The following RYR1 variants were observed in gnomAD, a reference collection of about 807,000 sequenced individuals.
RYR1 encodes the protein central core disease of muscle.
A neutral mutation model predicts 583.5 loss-of-function variants in RYR1; 342 were observed. That is an observed-to-expected ratio of 0.59 (90% CI 0.54 to 0.64). The LOEUF is 0.64. Among genes scored for constraint, RYR1 ranks in the 30% least tolerant of loss-of-function variants. The pLI is 0.00. For missense variants in RYR1, 6,032 were observed against 6,917.2 expected (o/e 0.87, Z 4.54); for synonymous variants, 2,791 against 2,822.5 (o/e 0.99, Z 0.35).
chr19:38,502,621 A>G lies in RYR1; in HGVS notation c.7729A>G (p.Ile2577Val), dbSNP rs567321458. 15 of 1,612,754 alleles carry G rather than the reference A, an allele frequency of 9.3e-6. No homozygotes were observed. The highest frequency in any genetic ancestry group is 1.7e-4 in the Middle Eastern group (1 of 6,058). The change falls in exon 48 of 106, where the codon ATC (isoleucine) becomes GTC (valine). Residue 2577 changes from isoleucine (I) to valine (V), a missense_variant. Around this residue, in one of 11 missense-constraint regions of RYR1, gnomAD observed 250 missense variants for 162.3 expected, o/e 1.54. Coordinates refer to ENST00000359596, the MANE Select transcript of RYR1 (RefSeq NM_000540.3). The stretch of plus-strand genomic sequence containing the variant: ...CTTTGCGGGCACAGAACACCGCGCC[A>G]TCATGGTGGACTCTATGCTGCATAC... ...PLFAGTEHRAIMVDSMLHTVY... is the reference protein window; with the variant it reads ...PLFAGTEHRAVMVDSMLHTVY...
intron 101 of RYR1, among the ~76,000 whole-genome samples, chr19:38,584,165 TC>T (rs1974340823): frequency 1.3e-5 from 2 of 151,860 alleles, no homozygotes; most frequent in Non-Finnish European, 2.9e-5. Context: ...TTCCAGTGCT[TC>T]CCCTAGCTCA....
rs748809831 is a variant in RYR1 at position 38,473,566 on chromosome 19, G to A, written c.3955G>A (p.Glu1319Lys). 4 of 1,600,676 alleles carry A rather than the reference G, an allele frequency of 2.5e-6. No homozygotes were observed. The highest frequency in any genetic ancestry group is 2.3e-5 in the East Asian group (1 of 44,284). Reference sequence around the variant, plus strand: ...ACCTCCTGGCCTGCAGCCCCCCGCCGAGGACGAGGCCCGGGCGGCGGAACC... The same window carrying A: ...ACCTCCTGGCCTGCAGCCCCCCGCCAAGGACGAGGCCCGGGCGGCGGAACC... ...LAPPGLQPPA[E>K]DEARAAEPDP... Residue 1319 changes from glutamate to lysine, a missense_variant, in exon 28 of 106, where the codon GAG becomes AAG. Coordinates refer to ENST00000359596, the MANE Select transcript of RYR1 (RefSeq NM_000540.3).
chr19:38,442,332 T>G lies in RYR1; in HGVS notation c.166-17T>G, dbSNP rs1972728684. ...GGGGTCTTCTGACCCCTCACTTACA[T>G]CCCCCTCCCACCCCAGAATGTGCCC... On this transcript the variant is annotated splice_polypyrimidine_tract_variant and intron_variant, in intron 2 of 105. Coordinates refer to ENST00000359596, the MANE Select transcript of RYR1 (RefSeq NM_000540.3). The G allele has an allele frequency of 6.4e-7, 1 of 1,557,992 alleles. No homozygotes were observed. Among genetic ancestry groups the G allele is most frequent in the Admixed American group, 1.7e-5 (1 of 59,812 alleles).
Position 38,466,112 on chromosome 19 carries a change from C to A in RYR1, c.2892C>A (p.Tyr964Ter). The A allele has an allele frequency of 6.2e-7, 1 of 1,611,502 alleles. No individual in the cohort carries two copies. The highest frequency in any genetic ancestry group is 8.5e-7 in the Non-Finnish European group (1 of 1,179,082). Residue 964 changes from tyrosine to a stop codon, truncating the protein, a stop_gained, in exon 24 of 106, where the codon TAC (tyrosine) becomes TAA (stop). Coordinates refer to ENST00000359596, the MANE Select transcript of RYR1 (RefSeq NM_000540.3). LOFTEE classifies it high-confidence loss of function. ...GCAGGTATATGATGAGCAATGGGTA[C>A]AAGCCGGCTCCGCTGGACCTGAGCC... Reference protein sequence around the residue: ...LPKTYMMSNGYKPAPLDLSHV... With the variant: ...LPKTYMMSNG
chr19:38,523,987 G>GC (rs1213409225), intron 70 of RYR1, 58 bp downstream of exon 70: 1 of 1,593,892 alleles, frequency 6.3e-7, no homozygotes, highest in African/African-American at 1.4e-5. Context: ...TCTTCCCCCA[G>GC]CCTCTGCACG....
chr19:38,461,287 A>G (rs1967728388), intron 20 of RYR1, among the ~76,000 whole-genome samples: 1 of 152,182 alleles, frequency 6.6e-6, no homozygotes, highest in African/African-American at 2.4e-5. Flanking sequence ...AATTTTTAAT[A>G]TTTACAAATT....
intron 84 of RYR1, among the ~76,000 whole-genome samples, chr19:38,542,103 G>A (rs895130617): frequency 2.0e-4 from 28 of 137,930 alleles, no homozygotes; most frequent in Non-Finnish European, 3.6e-4. Context: ...GCCGGGGACT[G>A]TTTTTTTTTT....
In RYR1 at chr19:38,505,328, A is replaced by G. The variant is rs769276412; in HGVS notation, c.8330A>G (p.Tyr2777Cys). The G allele has an allele frequency of 2.6e-5, 42 of 1,611,748 alleles. 1 individual carries two copies. The South Asian group carries it at 3.3e-4, about 13-fold the overall frequency. ...AFDKIQNNWS[Y>C]GENIDEELKT... Reference sequence around the variant, plus strand: ...CTCTAGATCCAGAACAACTGGTCCTATGGAGAGAACATAGACGAGGAGCTG... The same window carrying G: ...CTCTAGATCCAGAACAACTGGTCCTGTGGAGAGAACATAGACGAGGAGCTG... Residue 2777 changes from tyrosine to cysteine, a missense_variant, in exon 53 of 106, where the codon TAT (tyrosine) becomes TGT (cysteine). Physicochemically the swap from Tyr to Cys is radical, Grantham distance 194. Coordinates refer to ENST00000359596, the MANE Select transcript of RYR1 (RefSeq NM_000540.3).
chr19:38,566,958 G>GGAACCA lies in RYR1; in HGVS notation c.13488_13493dup (p.Pro4497_Glu4498dup). On this transcript the variant is annotated inframe_insertion, in exon 92 of 106. Coordinates refer to ENST00000359596, the MANE Select transcript of RYR1 (RefSeq NM_000540.3). ...TCCCGCCAGAGCCAGAGCCCGAGCC[G>GGAACCA]GAACCAGAGCTGGAGCCGGAGAAAG... is the stretch of plus-strand genomic sequence containing the variant. 1 of 1,604,946 alleles carries GGAACCA rather than the reference G, an allele frequency of 6.2e-7. No individual in the cohort carries two copies. Among genetic ancestry groups the GGAACCA allele is most frequent in the African/African-American group, 1.3e-5 (1 of 74,938 alleles).
At chr19:38,519,564 C>T in intron 67 of RYR1, 110 bp downstream of exon 67, 1 of 1,267,500 alleles carries the variant, frequency 7.9e-7, no homozygotes, top group East Asian at 2.5e-5. Context: ...AATGCTCTGG[C>T]CCCACCAACC....
Position 38,444,112 on chromosome 19 carries a change from C to G in RYR1, c.425-37C>G. The G allele has an allele frequency of 5.1e-6, 8 of 1,558,910 alleles. No homozygotes were observed. Among genetic ancestry groups the G allele is most frequent in the Non-Finnish European group, 7.1e-6 (8 of 1,129,864 alleles). ...GGGGAAGAGCATTCTGGGAAGCCAT[C>G]ATCTGACAGCCACCCCCATTCCATC... On this transcript the variant is annotated intron_variant, in intron 5 of 105. Transcript: ENST00000359596. The surrounding 1 kb of genome is among the most constrained non-coding windows in gnomAD (Gnocchi z 5.1).
intron 25 of RYR1, among the ~76,000 whole-genome samples, chr19:38,468,492 C>A (rs1968245204): frequency 1.3e-5 from 2 of 152,208 alleles, no homozygotes; most frequent in South Asian, 4.1e-4. Flanking sequence ...TCTGTATCAA[C>A]CCAGGTAAAC....
Position 38,489,437 on chromosome 19 carries a change from G to A in RYR1, c.5808G>A (p.Lys1936=). Reference sequence around the variant, plus strand: ...AGATGAAGTTGCCAGAGTCTGTGAAGTTACAGGTGGGCTGCTGCTTCCTGC... The same window carrying A: ...AGATGAAGTTGCCAGAGTCTGTGAAATTACAGGTGGGCTGCTGCTTCCTGC... ...LLQMKLPESV[K]LQMCHLLEYF... Residue 1936 remains lysine (K), a synonymous_variant, in exon 35 of 106, where the codon AAG becomes AAA. Transcript: ENST00000359596. 6.2e-7 allele frequency: 1 copy of A among 1,613,996 alleles called. No homozygotes were observed. Among genetic ancestry groups the A allele is most frequent in the Non-Finnish European group, 8.5e-7 (1 of 1,179,888 alleles).
At position 38,494,442 on chromosome 19, in the gene RYR1, G is replaced by A. The variant is rs1227623975; in HGVS notation, c.6365G>A (p.Ser2122Asn). Residue 2122 changes from serine (S) to asparagine (N), a missense_variant, in exon 39 of 106, where the codon AGC becomes AAC. By Grantham distance (46) the Ser-to-Asn change is conservative. Transcript: ENST00000359596. ...QSPELVRAMF[S>N]LLHRQYDGLG... ...CCCGAGCTGGTGCGGGCCATGTTCAGCCTCCTGCACCGGCAGTACGACGGG... is the reference window on the plus strand; with the variant it reads ...CCCGAGCTGGTGCGGGCCATGTTCAACCTCCTGCACCGGCAGTACGACGGG... 1.2e-6 allele frequency: 2 copies of A among 1,612,390 alleles called. No homozygotes were observed. The highest frequency in any genetic ancestry group is 4.5e-5 in the East Asian group (2 of 44,900).
At position 38,565,531 on chromosome 19, in the gene RYR1, G is replaced by T. The variant is rs773923211; in HGVS notation, c.13197G>T (p.Pro4399=). Residue 4399 remains proline (P), a synonymous_variant, in exon 91 of 106, where the codon CCG becomes CCT. Coordinates refer to ENST00000359596, the MANE Select transcript of RYR1 (RefSeq NM_000540.3). The surrounding 1 kb of genome is among the most constrained non-coding windows in gnomAD (Gnocchi z 4.7). ...DEVHGEQPAG[P]GGDADGEGAS... is the part of the protein sequence containing the mutation. ...TGCACGGCGAGCAGCCGGCCGGGCC[G>T]GGCGGAGACGCAGACGGCGAGGGTG... The T allele has an allele frequency of 5.4e-5, 81 of 1,502,802 alleles. No individual in the cohort carries two copies. The Admixed American group carries it at 1.2e-3, about 22-fold the overall frequency. 93.1% of individuals were successfully genotyped at this position (1,502,802 alleles called of 1,614,324 possible). A position where few individuals can be genotyped will look rare whatever the true frequency, so the allele number is the denominator to read the frequency against.
intron 90 of RYR1, among the ~76,000 whole-genome samples, chr19:38,564,157 T>C (rs1313936189): frequency 6.6e-6 from 1 of 152,204 alleles, no homozygotes; most frequent in Non-Finnish European, 1.5e-5. Context: ...GGCCAGAGGA[T>C]TGCTCGAGGC....
rs1568551410 is a variant in RYR1 at position 38,536,784 on chromosome 19, A to AC, written c.11608+22dup. The AC allele has an allele frequency of 6.2e-7, 1 of 1,607,530 alleles. No individual in the cohort carries two copies. The highest frequency in any genetic ancestry group is 1.1e-5 in the South Asian group (1 of 90,648). ...GCCAGAACGGTAATTCCCCCAGCCC[A>AC]CCCCCGTGCTGTGCTGCTGTCACCC... On this transcript the variant is annotated intron_variant, in intron 83 of 105. Coordinates refer to ENST00000359596, the MANE Select transcript of RYR1 (RefSeq NM_000540.3).
chr19:38,494,552 C>T lies in RYR1; in HGVS notation c.6475C>T (p.Leu2159Phe). The stretch of plus-strand genomic sequence containing the variant: ...AGACACCATGAGCCTGCTCGAGTGC[C>T]TCGGCCAGATCCGCTCGCTGCTCAT... ...VEDTMSLLEC[L>F]GQIRSLLIVQ... is the part of the protein sequence containing the mutation. The change falls in exon 39 of 106, where the codon CTC becomes TTC. Residue 2159 changes from leucine (L) to phenylalanine (F), a missense_variant. Coordinates refer to ENST00000359596, the MANE Select transcript of RYR1 (RefSeq NM_000540.3). 2 of 1,614,114 alleles carry T rather than the reference C, an allele frequency of 1.2e-6. No individual in the cohort carries two copies. The highest frequency in any genetic ancestry group is 2.2e-5 in the South Asian group (2 of 91,092).
At chr19:38,505,139 C>T (rs1420829333) in intron 52 of RYR1, 58 bp downstream of exon 52, 2 of 1,513,426 alleles carry the variant, frequency 1.3e-6, no homozygotes, top group East Asian at 2.3e-5. Context: ...TTCCCCCCGA[C>T]CTGGTTCTTC....
Sources: gnomAD v4.1 joint callset for allele counts (sites outside exome capture counted in the v4.1 genomes callset) on GRCh38, gnomAD v4.1.1 for gene constraint, gnomAD v4.1.1 regional missense constraint, Gnocchi (gnomAD v3.1) non-coding constraint, MANE v1.5 for transcripts, NCBI Gene and HGNC (gene_info 2026-07-23, HGNC 2026-07-21) for gene names.